The following RASSF3 variants were observed in gnomAD, a reference collection of about 807,000 sequenced individuals.
RASSF3 encodes the protein ras association domain-containing protein 3.
Under a neutral mutation model 19.9 loss-of-function variants are expected in RASSF3, and 19 were observed. The ratio of observed to expected loss-of-function variants is 0.96; its 90% confidence interval spans 0.67 to 1.40. RASSF3 has a LOEUF of 1.40. Among genes scored for constraint, RASSF3 ranks in the 40% most tolerant of loss-of-function variants. The pLI is 0.00. For missense variants in RASSF3, 306 were observed against 289.8 expected (o/e 1.06, Z -0.41); for synonymous variants, 110 against 104.2 (o/e 1.06, Z -0.34).
chr12:64,676,341 G>C (rs1872901273), intron 1 of RASSF3, among the ~76,000 whole-genome samples: 1 of 151,154 alleles, frequency 6.6e-6, no homozygotes, highest in Non-Finnish European at 1.5e-5. Context: ...CTAATTTTTT[G>C]TATTTTTAGT....
At chr12:64,671,177 G>T (rs960485337) in intron 1 of RASSF3, among the ~76,000 whole-genome samples, 2 of 152,150 alleles carry the variant, frequency 1.3e-5, no homozygotes, top group Admixed American at 6.5e-5. Context: ...TTGGATGAGG[G>T]ACCAGGAAAG....
intron 1 of RASSF3, among the ~76,000 whole-genome samples, chr12:64,673,643 C>G (rs1234385194): frequency 1.3e-5 from 2 of 152,160 alleles, no homozygotes; most frequent in Admixed American, 1.3e-4. Context: ...TTCTAATTGT[C>G]AAAGCTGATT....
intron 1 of RASSF3, among the ~76,000 whole-genome samples, chr12:64,655,872 T>A (rs1379829721): frequency 6.6e-6 from 1 of 151,488 alleles, no homozygotes; most frequent in Non-Finnish European, 1.5e-5. Flanking sequence ...ACTAAAAATA[T>A]GAAAATTAGC....
intron 1 of RASSF3, among the ~76,000 whole-genome samples, chr12:64,670,588 C>T (rs1872671892): frequency 7.3e-6 from 1 of 137,448 alleles, no homozygotes; most frequent in African/African-American, 2.7e-5. Flanking sequence ...CATTAAAAAA[C>T]TCTTCTGTAG....
At chr12:64,514,186 C>CTTTT in intron 1 of RASSF3, among the ~76,000 whole-genome samples, 1 of 124,440 alleles carries the variant, frequency 8.0e-6, no homozygotes, top group Admixed American at 8.4e-5. Context: ...AGCGCTCAGC[C>CTTTT]TCTTTTTTTT....
At chr12:64,603,336 G>A (rs545542155) in intron 2 of RASSF3, among the ~76,000 whole-genome samples, 2 of 152,258 alleles carry the variant, frequency 1.3e-5, no homozygotes, top group South Asian at 4.1e-4. Context: ...CCCTTGGCCA[G>A]TTCTTATCAC....
intron 1 of RASSF3, among the ~76,000 whole-genome samples, chr12:64,659,156 G>A (rs1872257283): frequency 6.6e-6 from 1 of 152,170 alleles, no homozygotes; most frequent in Non-Finnish European, 1.5e-5. Context: ...CCATGGTCCT[G>A]CCTGTGTTTT....
chr12:64,660,410 T>G (rs539828794), intron 1 of RASSF3, among the ~76,000 whole-genome samples: 1 of 152,308 alleles, frequency 6.6e-6, no homozygotes, highest in Non-Finnish European at 1.5e-5. Flanking sequence ...AAGAGCTGTC[T>G]CATTGTATGT....
chr12:64,603,171 T>TTTTG (rs1555211450), intron 2 of RASSF3, among the ~76,000 whole-genome samples: 3 of 151,864 alleles, frequency 2.0e-5, no homozygotes, highest in African/African-American at 7.3e-5. Context: ...AACTTTTTTT[T>TTTTG]TTGTTGTTGT....
chr12:64,580,575 AACACACACAC>A (rs201737911), intron 2 of RASSF3, among the ~76,000 whole-genome samples: 30 of 141,308 alleles, frequency 2.1e-4, no homozygotes, highest in East Asian at 4.1e-4. Context: ...TTTTTAGGAA[AACACACACAC>A]ACACACACAC....
intron 1 of RASSF3, among the ~76,000 whole-genome samples, chr12:64,641,350 C>A (rs564714458): frequency 6.7e-6 from 1 of 149,944 alleles, no homozygotes; most frequent in African/African-American, 2.5e-5. Context: ...GAGCCGAGAC[C>A]GTACCACTGC....
intron 2 of RASSF3, among the ~76,000 whole-genome samples, chr12:64,556,564 G>C (rs749148851): frequency 6.6e-5 from 10 of 152,082 alleles, no homozygotes; most frequent in African/African-American, 2.4e-4. Context: ...CCGTCAGGCT[G>C]GGGGCAGCCT....
chr12:64,578,125 A>G (rs553742523), intron 2 of RASSF3, among the ~76,000 whole-genome samples: 7 of 152,220 alleles, frequency 4.6e-5, no homozygotes, highest in African/African-American at 1.7e-4. Flanking sequence ...CGGGAGGCTG[A>G]GGCAGGAGAA....
At chr12:64,668,750 C>T (rs1377408211) in intron 1 of RASSF3, among the ~76,000 whole-genome samples, 3 of 146,702 alleles carry the variant, frequency 2.0e-5, no homozygotes, top group Admixed American at 7.0e-5. Flanking sequence ...GGCGCGATCT[C>T]GGCTCACTGC....
downstream of RASSF3, among the ~76,000 whole-genome samples, chr12:64,543,443 T>TCCCCGCCCGCCCCCCCGCTCCCCGCCC (rs1592395537): frequency 6.9e-4 from 2 of 2,878 alleles, no homozygotes; most frequent in African/African-American, 7.2e-4. Context: ...GCCCCCCCCG[T>TCCCCGCCCGCCCCCCCGCTCCCCGCCC]GCCCGCCCGC....
At chr12:64,604,867 C>T (rs187625469) in intron 2 of RASSF3, among the ~76,000 whole-genome samples, 492 of 151,924 alleles carry the variant, frequency 3.2e-3, no homozygotes, top group African/African-American at 0.012. Flanking sequence ...CCTTGTGATC[C>T]GCCCGCCTCG....
In RASSF3 at chr12:64,615,679, C is replaced by CT. The variant is rs565695135; in HGVS notation, c.111+4949dup. Among the ~76,000 whole-genome samples, 570 of 142,408 alleles carry CT rather than the reference C, an allele frequency of 4.0e-3. 2 individuals are homozygous for CT. Among genetic ancestry groups the CT allele is most frequent in the African/African-American group, 0.011 (424 of 39,314 alleles). 93.4% of individuals were successfully genotyped at this position (142,408 alleles called of 152,430 possible). On this transcript the variant is annotated intron_variant, in intron 1 of 4. Coordinates refer to ENST00000542104, the MANE Select transcript of RASSF3 (RefSeq NM_178169.4). ...GTATTTTGACTCTACTAGCCTTTTT[C>CT]TTTTTTTTTTTTTGAGACGGAGTTT...
At chr12:64,516,036 T>TA (rs1868362097) in intron 1 of RASSF3, among the ~76,000 whole-genome samples, 1 of 151,570 alleles carries the variant, frequency 6.6e-6, no homozygotes, top group African/African-American at 2.4e-5. Context: ...TTTCAATATA[T>TA]GTTGTATGGT....
intron 2 of RASSF3, among the ~76,000 whole-genome samples, chr12:64,596,722 T>A (rs113727505): frequency 0.025 from 3,867 of 152,162 alleles, 158 homozygotes; most frequent in African/African-American, 0.088. Flanking sequence ...TCTTAACTCT[T>A]CAGTATATAT....
Sources: gnomAD v4.1 joint callset for allele counts (sites outside exome capture counted in the v4.1 genomes callset) on GRCh38, gnomAD v4.1.1 for gene constraint, MANE v1.5 for transcripts, NCBI Gene and HGNC (gene_info 2026-07-23, HGNC 2026-07-21) for gene names.